The following NCOA1 variants were observed in gnomAD, a reference collection of about 807,000 sequenced individuals.
NCOA1 encodes Hin-2 protein.
A neutral mutation model predicts 150.9 loss-of-function variants in NCOA1; 35 were observed. The observed-to-expected ratio is 0.23, with a 90% confidence interval of 0.18 to 0.31. NCOA1 has a LOEUF of 0.31. Among genes scored for constraint, NCOA1 ranks in the 10% least tolerant of loss-of-function variants. The probability of loss-of-function intolerance (pLI) is 1.00; values close to 1 mark genes in which losing one functional copy is unlikely to be tolerated. For synonymous variants in NCOA1, 590 were observed against 630.0 expected, an observed-to-expected ratio of 0.94 and a Z score of 0.95; for missense variants, 1,491 against 1,749.3, an observed-to-expected ratio of 0.85 and a Z score of 2.63.
intron 2 of NCOA1, among the ~76,000 whole-genome samples, chr2:24,578,941 T>C (rs1454150752): frequency 1.3e-5 from 2 of 152,226 alleles, no homozygotes; most frequent in African/African-American, 4.8e-5. Context: ...CCATTACATA[T>C]AAGTGTTAGC....
At chr2:24,655,359 A>T (rs1444640704) in intron 4 of NCOA1, among the ~76,000 whole-genome samples, 1 of 152,192 alleles carries the variant, frequency 6.6e-6, no homozygotes, top group Non-Finnish European at 1.5e-5. Flanking sequence ...GTATATACAG[A>T]TGATATATAT....
intron 1 of NCOA1, among the ~76,000 whole-genome samples, chr2:24,554,843 T>G (rs1363377880): frequency 6.6e-6 from 1 of 152,286 alleles, no homozygotes; most frequent in South Asian, 2.1e-4. Flanking sequence ...GGCTCTAAAA[T>G]GGAGGCTGAG....
At chr2:24,577,150 C>G (rs58321589) in intron 2 of NCOA1, among the ~76,000 whole-genome samples, 28,795 of 151,980 alleles carry the variant, frequency 0.19, 2,909 homozygotes, top group Non-Finnish European at 0.23. Flanking sequence ...TTAGGCTCTT[C>G]AAAGTGTTTG....
intron 3 of NCOA1, among the ~76,000 whole-genome samples, chr2:24,594,181 C>T (rs1667787910): frequency 6.6e-6 from 1 of 151,892 alleles, no homozygotes. Context: ...TTGCTGTAAA[C>T]ATGTTACATA....
At chr2:24,673,773 A>G (rs1353359520) in intron 7 of NCOA1, among the ~76,000 whole-genome samples, 1 of 152,176 alleles carries the variant, frequency 6.6e-6, no homozygotes, top group African/African-American at 2.4e-5. Flanking sequence ...TATTAATATT[A>G]GATTTACTTA....
chr2:24,582,251 G>A (rs1318236177), intron 2 of NCOA1, among the ~76,000 whole-genome samples: 3 of 151,928 alleles, frequency 2.0e-5, no homozygotes, highest in Admixed American at 6.6e-5. Context: ...ATTGATAAAC[G>A]AATTCAGTAA....
rs765785548 is a variant in NCOA1 at position 24,691,484 on chromosome 2, A to G, written c.536A>G (p.Asn179Ser). The change falls in exon 9 of 23, where the codon AAT becomes AGT. Residue 179 changes from asparagine (N) to serine (S), a missense_variant. This residue lies in a region of NCOA1 where 99 missense variants were observed against 122.8 expected (regional missense o/e 0.81). Transcript: ENST00000348332. ...ATAATCAATTTTTCTTCCTCAGTAA[A>G]TGGAGTTCCTTGGCCTCAAGAGGCA... ...VKNLLPKSLVNGVPWPQEATR... is the reference protein window; with the variant it reads ...VKNLLPKSLVSGVPWPQEATR... 3.7e-6 allele frequency: 6 copies of G among 1,613,038 alleles called. No homozygotes were observed. In the African/African-American group the frequency reaches 5.3e-5, roughly 14 times the overall value.
At chr2:24,553,071 G>C (rs75278551) in intron 1 of NCOA1, among the ~76,000 whole-genome samples, 1 of 152,134 alleles carries the variant, frequency 6.6e-6, no homozygotes, top group African/African-American at 2.4e-5. Context: ...TGTCTCGTTC[G>C]TCATCTTAGG....
In NCOA1 at chr2:24,762,923, C is replaced by T; in HGVS notation, c.4155+147C>T. 12 of 687,124 alleles carry T rather than the reference C, an allele frequency of 1.7e-5. No individual in the cohort carries two copies. In the South Asian group the frequency reaches 2.1e-4, roughly 12 times the overall value. 42.6% of individuals were successfully genotyped at this position (687,124 alleles called of 1,614,324 possible). A position where few individuals can be genotyped will look rare whatever the true frequency, so the allele number is the denominator to read the frequency against. On this transcript the variant is annotated intron_variant, in intron 22 of 22. Transcript: ENST00000348332. ...CTCTTCTTAGCTGTGTCGTCCTGGG[C>T]ATGTTATGGAGCTTTCCTGAGCTGC...
At chr2:24,612,869 C>T (rs150168873) in intron 3 of NCOA1, among the ~76,000 whole-genome samples, 135 of 152,052 alleles carry the variant, frequency 8.9e-4, no homozygotes, top group African/African-American at 3.1e-3. Context: ...GCTTTGAATT[C>T]TTTATCTGTC....
intron 2 of NCOA1, among the ~76,000 whole-genome samples, chr2:24,578,631 C>G (rs1029793997): frequency 7.2e-5 from 11 of 151,872 alleles, no homozygotes; most frequent in Admixed American, 2.0e-4. Flanking sequence ...TACTGAGTAA[C>G]CATAATAAAG....
intron 1 of NCOA1, among the ~76,000 whole-genome samples, chr2:24,534,578 T>A (rs1007013166): frequency 1.3e-5 from 2 of 152,220 alleles, no homozygotes; most frequent in Non-Finnish European, 2.9e-5. Flanking sequence ...CTTTCTCTTG[T>A]GGGCATTTAG....
chr2:24,526,781 A>G (rs921523063), intron 1 of NCOA1, among the ~76,000 whole-genome samples: 1 of 152,134 alleles, frequency 6.6e-6, no homozygotes, highest in Admixed American at 6.5e-5. Context: ...TATGAGATAC[A>G]TGTAATGTTG....
intron 17 of NCOA1, among the ~76,000 whole-genome samples, chr2:24,735,522 GA>G (rs1412282580): frequency 2.0e-5 from 3 of 151,722 alleles, no homozygotes; most frequent in East Asian, 1.9e-4. Flanking sequence ...AACAGATGTT[GA>G]AAAAATATAT....
At chr2:24,565,534 A>G (rs993169018) in intron 2 of NCOA1, among the ~76,000 whole-genome samples, 20 of 152,378 alleles carry the variant, frequency 1.3e-4, no homozygotes, top group African/African-American at 4.8e-4. Context: ...AAAAATAATA[A>G]GAATTCATGA....
At chr2:24,734,968 T>C (rs1308259802) in intron 17 of NCOA1, among the ~76,000 whole-genome samples, 2 of 151,892 alleles carry the variant, frequency 1.3e-5, no homozygotes, top group Non-Finnish European at 2.9e-5. Context: ...GAGGTGACAA[T>C]GGGGAAAGAA....
At chr2:24,646,914 C>T (rs1264402771) in intron 4 of NCOA1, among the ~76,000 whole-genome samples, 1 of 151,876 alleles carries the variant, frequency 6.6e-6, no homozygotes, top group Non-Finnish European at 1.5e-5. Context: ...TTAGGGTTTG[C>T]AAAAGCAGAA....
intron 1 of NCOA1, among the ~76,000 whole-genome samples, chr2:24,520,890 C>G (rs1664389637): frequency 6.6e-6 from 1 of 152,156 alleles, no homozygotes; most frequent in South Asian, 2.1e-4. Context: ...CTGACCTTCT[C>G]TCCTATTGTT....
intron 1 of NCOA1, among the ~76,000 whole-genome samples, chr2:24,527,373 G>A (rs536111731): frequency 6.6e-6 from 1 of 152,084 alleles, no homozygotes; most frequent in African/African-American, 2.4e-5. Flanking sequence ...CTGTACATTT[G>A]ACTTTTAAAA....
Sources: allele counts gnomAD v4.1 joint callset (sites outside exome capture counted in the v4.1 genomes callset), GRCh38; gene constraint gnomAD v4.1.1; regional missense constraint gnomAD v4.1.1; transcripts MANE v1.5; gene names NCBI Gene and HGNC (gene_info 2026-07-23, HGNC 2026-07-21).